Variants in GLMN observed in about 807,000 individuals in gnomAD.
The protein encoded by GLMN is glomulin, FKBP associated protein.
In GLMN, 75 loss-of-function variants were observed where a neutral mutation model predicts 87.8. The ratio of observed to expected loss-of-function variants is 0.85; its 90% CI spans 0.71 to 1.04. The LOEUF is 1.04. GLMN is among the 50% of genes least tolerant of loss of function. GLMN has a pLI of 0.00. For synonymous variants in GLMN, 206 were observed against 221.6 expected, an observed-to-expected ratio of 0.93 and a Z score of 0.63; for missense variants, 588 against 658.8, an observed-to-expected ratio of 0.89 and a Z score of 1.18.
chr1:92,266,183 G>A (rs1021078184), intron 13 of GLMN, among the ~76,000 whole-genome samples: 4 of 152,058 alleles, frequency 2.6e-5, no homozygotes, highest in Admixed American at 2.6e-4. Flanking sequence ...TATTCCAATT[G>A]ATTGAACTGC....
intron 7 of GLMN, among the ~76,000 whole-genome samples, chr1:92,278,363 C>T (rs1647552743): frequency 6.6e-6 from 1 of 152,198 alleles, no homozygotes; most frequent in African/African-American, 2.4e-5. Flanking sequence ...CGTCACCTCT[C>T]CTACTTCATC....
chr1:92,349,589 C>T, the GLMN span, among the ~76,000 whole-genome samples: 1 of 152,180 alleles, frequency 6.6e-6, no homozygotes, highest in Non-Finnish European at 1.5e-5. Context: ...AGTAAGCCAT[C>T]TTCTCCTGGT....
chr1:92,351,815 G>A, the GLMN span, among the ~76,000 whole-genome samples: 5 of 152,140 alleles, frequency 3.3e-5, no homozygotes, highest in Admixed American at 6.5e-5. Flanking sequence ...TTCCTCAAGT[G>A]TTTATACTTA....
At chr1:92,299,082 C>G (rs1283299138), upstream of GLMN, 3 of 1,509,092 alleles carry the variant, frequency 2.0e-6, no homozygotes, top group East Asian at 2.6e-5. Flanking sequence ...CCATGGCGGA[C>G]TTCGCTGGGC....
chr1:92,265,068 C>A (rs1219284611), intron 13 of GLMN, among the ~76,000 whole-genome samples: 2 of 152,172 alleles, frequency 1.3e-5, no homozygotes. Flanking sequence ...GTCTCAAACT[C>A]CTGACCTCGT....
chr1:92,323,791 C>T, the GLMN span: 1 of 1,614,004 alleles, frequency 6.2e-7, no homozygotes, highest in Non-Finnish European at 8.5e-7. Context: ...ATGTGAACTT[C>T]CTTTACAGAA....
the GLMN span, among the ~76,000 whole-genome samples, chr1:92,328,097 C>T: frequency 6.6e-6 from 1 of 152,286 alleles, no homozygotes; most frequent in South Asian, 2.1e-4. Flanking sequence ...TTCTTTCCTT[C>T]ATCTTGACTT....
At chr1:92,279,663 C>A (rs192763858) in intron 7 of GLMN, among the ~76,000 whole-genome samples, 1 of 148,810 alleles carries the variant, frequency 6.7e-6, no homozygotes, top group East Asian at 2.0e-4. Context: ...TTGCCTCACC[C>A]GGGAAGTGCG....
chr1:92,291,266 CA>C, intron 4 of GLMN, 151 bp downstream of exon 4: 1 of 692,070 alleles, frequency 1.4e-6, no homozygotes. Context: ...ATTGCCTATC[CA>C]ATCAATAAGA....
At chr1:92,262,534 GGT>G (rs1655169167) in intron 16 of GLMN, among the ~76,000 whole-genome samples, 1 of 152,186 alleles carries the variant, frequency 6.6e-6, no homozygotes, top group Non-Finnish European at 1.5e-5. Flanking sequence ...ATGAGCTATA[GGT>G]GGAGGAAACT....
At chr1:92,304,355 T>G in the GLMN span, 1 of 1,470,688 alleles carries the variant, frequency 6.8e-7, no homozygotes, top group Non-Finnish European at 9.3e-7. Context: ...GAAAGGTGAG[T>G]TTAAAGGCTT....
At chr1:92,293,197 A>C (rs891172402) in intron 3 of GLMN, among the ~76,000 whole-genome samples, 6 of 152,196 alleles carry the variant, frequency 3.9e-5, no homozygotes, top group Admixed American at 3.3e-4. Context: ...GCAAACAAGC[A>C]TATGAAAAGG....
At chr1:92,259,027 A>G (rs1213632922) in intron 16 of GLMN, among the ~76,000 whole-genome samples, 4 of 152,218 alleles carry the variant, frequency 2.6e-5, no homozygotes, top group African/African-American at 4.8e-5. Flanking sequence ...AAGCAATTCA[A>G]TTTTAAAATT....
chr1:92,360,545 TAGAC>T, the GLMN span, among the ~76,000 whole-genome samples: 681 of 152,212 alleles, frequency 4.5e-3, 3 homozygotes, highest in African/African-American at 0.016. Context: ...AAGGAGACGT[TAGAC>T]AGGCAAGGCT....
upstream of GLMN, among the ~76,000 whole-genome samples, chr1:92,299,511 C>T (rs1442409635): frequency 1.3e-5 from 2 of 152,118 alleles, no homozygotes; most frequent in Non-Finnish European, 2.9e-5. Context: ...TTCCAGATTG[C>T]TTGGGTGCCC....
chr1:92,331,964 CT>C, the GLMN span, among the ~76,000 whole-genome samples: 1 of 152,116 alleles, frequency 6.6e-6, no homozygotes, highest in South Asian at 2.1e-4. Flanking sequence ...TGTCTTTTGG[CT>C]TACATTTGTA....
chr1:92,305,658 A>G, the GLMN span, among the ~76,000 whole-genome samples: 1 of 152,084 alleles, frequency 6.6e-6, no homozygotes, highest in Non-Finnish European at 1.5e-5. Flanking sequence ...TATATGATCT[A>G]TAAGAAAAAG....
chr1:92,251,452 G>A (rs1285069248), intron 16 of GLMN, among the ~76,000 whole-genome samples: 1 of 152,078 alleles, frequency 6.6e-6, no homozygotes, highest in Non-Finnish European at 1.5e-5. Context: ...AAGTTTACTT[G>A]AAATGGGGTC....
the GLMN span, among the ~76,000 whole-genome samples, chr1:92,316,011 TTA>T: frequency 6.6e-6 from 1 of 152,212 alleles, no homozygotes; most frequent in Non-Finnish European, 1.5e-5. Context: ...ACATAGGTAA[TTA>T]TATAGTTGCA....
Sources: gnomAD v4.1 joint callset for allele counts (sites outside exome capture counted in the v4.1 genomes callset) on GRCh38, gnomAD v4.1.1 for gene constraint, MANE v1.5 for transcripts, NCBI Gene and HGNC (gene_info 2026-07-23, HGNC 2026-07-21) for gene names.